WDR72: variants seen among roughly 807,000 people sequenced by gnomAD.
WDR72 encodes the protein WD repeat-containing protein 72.
A neutral mutation model predicts 124.2 loss-of-function variants in WDR72; 120 were observed. That is an observed-to-expected ratio of 0.97 (90% CI 0.83 to 1.12). The LOEUF (loss-of-function observed/expected upper bound fraction) is 1.12, where lower values mean the gene tolerates loss of function less well. Among genes scored for constraint, WDR72 ranks in the 50% most tolerant of loss-of-function variants. The probability of loss-of-function intolerance (pLI) is 0.00; values close to 1 mark genes in which losing one functional copy is unlikely to be tolerated. For missense variants in WDR72, 1,387 were observed against 1,278.8 expected, an observed-to-expected ratio of 1.08 and a Z score of -1.29; for synonymous variants, 452 against 441.7, an observed-to-expected ratio of 1.02 and a Z score of -0.29.
chr15:53,726,264 G>GTGTATATATATATATATATATA lies in WDR72; in HGVS notation c.154-3357_154-3356insTATATATATATATATATATACA, dbSNP rs1555428779. 6.7e-4 allele frequency among the ~76,000 whole-genome samples: 74 copies of GTGTATATATATATATATATATA among 110,336 alleles called. 1 individual carries two copies. The highest frequency in any genetic ancestry group is 3.3e-3 in the African/African-American group (72 of 21,954). The allele number at this position is 110,336 out of a possible 152,430, so 72.4% of individuals were successfully genotyped here. On this transcript the variant is annotated intron_variant, in intron 2 of 19. Coordinates refer to ENST00000360509, the MANE Select transcript of WDR72 (RefSeq NM_182758.4). ...TGTGTGTATATATATATGTATGTGT[G>GTGTATATATATATATATATATA]TATATATATATATATATATATACAC...
At chr15:53,652,263 A>C (rs2015269072) in intron 14 of WDR72, 1 of 152,180 alleles carries the variant, frequency 6.6e-6, no homozygotes. Context: ...AAAAGGAAGA[A>C]GAACAAATCC....
At chr15:53,588,868 G>C (rs937035685) in intron 18 of WDR72, among the ~76,000 whole-genome samples, 1 of 151,916 alleles carries the variant, frequency 6.6e-6, no homozygotes, top group African/African-American at 2.4e-5. Context: ...AGTGGAGGCT[G>C]ACCCAAGCCA....
chr15:53,553,796 T>A (rs756247854), intron 18 of WDR72, among the ~76,000 whole-genome samples: 3 of 152,298 alleles, frequency 2.0e-5, no homozygotes, highest in African/African-American at 4.8e-5. Flanking sequence ...ATTTGTGACA[T>A]AGTAATTAGT....
At chr15:53,583,017 A>T (rs1227509769) in intron 18 of WDR72, among the ~76,000 whole-genome samples, 1 of 151,968 alleles carries the variant, frequency 6.6e-6, no homozygotes, top group Non-Finnish European at 1.5e-5. Context: ...TTTTATAAAT[A>T]AATGAGTTTA....
intron 18 of WDR72, among the ~76,000 whole-genome samples, chr15:53,567,741 A>C (rs1290715545): frequency 6.6e-6 from 1 of 151,966 alleles, no homozygotes. Context: ...CTTGAAAATT[A>C]TATACATAAA....
At chr15:53,591,108 T>C (rs1056169949) in intron 18 of WDR72, among the ~76,000 whole-genome samples, 3 of 152,010 alleles carry the variant, frequency 2.0e-5, no homozygotes, top group African/African-American at 7.2e-5. Context: ...ATCCTGTTCA[T>C]CCTTCAGCTC....
Position 53,599,477 on chromosome 15 carries a change from A to T in WDR72, c.2953-2203T>A, listed in dbSNP as rs549765602. Among the ~76,000 whole-genome samples, 13 of 152,272 alleles carry T rather than the reference A, an allele frequency of 8.5e-5. No individual in the cohort carries two copies. The South Asian group carries it at 2.7e-3, about 32-fold the overall frequency. ...CTCTGAAACTTCATGTTCTCACTTA[A>T]AAAACAGTCTGTGATACTGACAGAA... On this transcript the variant is annotated intron_variant, in intron 17 of 19. Transcript: ENST00000360509.
chr15:53,730,144 A>T (rs1055485659), intron 2 of WDR72, among the ~76,000 whole-genome samples: 18 of 152,170 alleles, frequency 1.2e-4, no homozygotes, highest in African/African-American at 4.3e-4. Context: ...TGAACAGATA[A>T]ACAAAATGTG....
rs866929301 is a variant in WDR72, at chr15:53,714,596, C to A, written c.515-86G>T. On this transcript the variant is annotated intron_variant, in intron 5 of 19. Transcript: ENST00000360509. ...TCATTTCACAGTCATTTAAGAATTA[C>A]GCAGGGCTGTGTAGATAGAAAATTT... The A allele has an allele frequency of 7.6e-6, 8 of 1,058,524 alleles. No individual in the cohort carries two copies. The South Asian group carries it at 1.0e-4, about 14-fold the overall frequency. The allele number at this position is 1,058,524 out of a possible 1,614,324, so 65.6% of individuals were successfully genotyped here. A position where few individuals can be genotyped will look rare whatever the true frequency, so the allele number is the denominator to read the frequency against.
At chr15:53,554,764 C>T (rs1893864532) in intron 18 of WDR72, among the ~76,000 whole-genome samples, 1 of 152,104 alleles carries the variant, frequency 6.6e-6, no homozygotes, top group African/African-American at 2.4e-5. Flanking sequence ...TTTTGTGGAG[C>T]ACTTCTTTGT....
At chr15:53,552,188 A>G (rs963003609) in intron 18 of WDR72, among the ~76,000 whole-genome samples, 2 of 152,050 alleles carry the variant, frequency 1.3e-5, no homozygotes, top group Non-Finnish European at 2.9e-5. Context: ...ATACTCAAAG[A>G]CACAGAGTCA....
At chr15:53,526,228 C>T (rs996982047) in intron 18 of WDR72, among the ~76,000 whole-genome samples, 3 of 152,026 alleles carry the variant, frequency 2.0e-5, no homozygotes, top group African/African-American at 7.2e-5. Flanking sequence ...CTAGTAGGAA[C>T]ACCGGAGAAG....
chr15:53,714,181 C>CTGTGTGTGTGTG (rs147902451), intron 6 of WDR72, among the ~76,000 whole-genome samples: 5,482 of 150,406 alleles, frequency 0.036, 127 homozygotes, highest in Non-Finnish European at 0.047. Flanking sequence ...TGTAATCTTT[C>CTGTGTGTGTGTG]TGTGTGTGTG....
intron 14 of WDR72, among the ~76,000 whole-genome samples, chr15:53,630,872 G>GA (rs1428756763): frequency 2.0e-5 from 3 of 151,956 alleles, no homozygotes; most frequent in African/African-American, 7.3e-5. Context: ...GATTAAGAAA[G>GA]AAAAATAAGT....
chr15:53,753,157 T>C (rs1211525826), intron 1 of WDR72, among the ~76,000 whole-genome samples: 1 of 152,238 alleles, frequency 6.6e-6, no homozygotes, highest in Non-Finnish European at 1.5e-5. Context: ...TCTTCTTCCT[T>C]GGCCCTGACA....
At chr15:53,709,801 C>G (rs962662480) in intron 9 of WDR72, among the ~76,000 whole-genome samples, 3 of 152,156 alleles carry the variant, frequency 2.0e-5, no homozygotes, top group African/African-American at 7.2e-5. Context: ...CAAGTTTTCA[C>G]AACAAAACCT....
In WDR72 at chr15:53,649,229, T is replaced by C. The variant is rs571917045; in HGVS notation, c.1962+16343A>G. On this transcript the variant is annotated intron_variant, in intron 14 of 19. Transcript: ENST00000360509. ...AACACTCATTTACTGATGCGTTGGC[T>C]ATGGTTGGTTTTGCATTACCAACGC... Among the ~76,000 whole-genome samples, 5 of 152,252 alleles carry C rather than the reference T, an allele frequency of 3.3e-5. No homozygotes were observed. The East Asian group carries it at 9.7e-4, about 29-fold the overall frequency.
chr15:53,643,586 A>G (rs2014932716), intron 14 of WDR72, among the ~76,000 whole-genome samples: 1 of 152,114 alleles, frequency 6.6e-6, no homozygotes, highest in African/African-American at 2.4e-5. Flanking sequence ...ACCAAATACA[A>G]TGCTAAGAAC....
intron 14 of WDR72, among the ~76,000 whole-genome samples, chr15:53,665,254 G>A (rs1466769345): frequency 6.6e-6 from 1 of 151,792 alleles, no homozygotes; most frequent in Non-Finnish European, 1.5e-5. Context: ...ACTCTCAAGT[G>A]AAAAATAAAA....
Sources: gnomAD v4.1 joint callset for allele counts (sites outside exome capture counted in the v4.1 genomes callset) on GRCh38, gnomAD v4.1.1 for gene constraint, MANE v1.5 for transcripts, NCBI Gene and HGNC (gene_info 2026-07-23, HGNC 2026-07-21) for gene names.